Variants in PRR5 observed in about 807,000 individuals in gnomAD.
PRR5 encodes proline rich 5.
In PRR5, 25 loss-of-function variants were observed where a neutral mutation model predicts 30.6. The observed-to-expected ratio is 0.82, with a 90% CI of 0.60 to 1.14. The LOEUF is 1.14. PRR5 is among the 50% of genes most tolerant of loss of function. The probability of loss-of-function intolerance (pLI) is 0.00; values close to 1 mark genes in which losing one functional copy is unlikely to be tolerated. For synonymous variants in PRR5, 286 were observed against 247.1 expected, an observed-to-expected ratio of 1.16 and a Z score of -1.48; for missense variants, 600 against 547.1, an observed-to-expected ratio of 1.10 and a Z score of -0.96.
At chr22:44,688,587 A>G (rs988027238) in intron 1 of PRR5, among the ~76,000 whole-genome samples, 2 of 152,206 alleles carry the variant, frequency 1.3e-5, no homozygotes, top group Non-Finnish European at 2.9e-5. Context: ...GCCAGGCTAG[A>G]GGGCTTGATC....
chr22:44,712,746 T>C (rs1928451715), intron 1 of PRR5, among the ~76,000 whole-genome samples: 2 of 152,224 alleles, frequency 1.3e-5, no homozygotes, highest in South Asian at 4.1e-4. Context: ...AGGTGAGAAG[T>C]GTGGTGCTGG....
At position 44,720,084 on chromosome 22, in the gene PRR5, G is replaced by T. The variant is rs149884405; in HGVS notation, c.216-5160G>T. 3.4e-3 allele frequency among the ~76,000 whole-genome samples: 518 copies of T among 152,250 alleles called. 3 individuals are homozygous for T. The highest frequency in any genetic ancestry group is 6.3e-3 in the Non-Finnish European group (430 of 68,006). Reference sequence around the variant, plus strand: ...CCACACCCCCTCTTCTCCCTCCCTGGCATGGTGTCCTCTATTCCTAGCATG... The same window carrying T: ...CCACACCCCCTCTTCTCCCTCCCTGTCATGGTGTCCTCTATTCCTAGCATG... On this transcript the variant is annotated intron_variant, in intron 2 of 7. Coordinates refer to ENST00000336985, the MANE Select transcript of PRR5 (RefSeq NM_181333.4).
At chr22:44,719,743 T>A (rs1275305522) in intron 2 of PRR5, among the ~76,000 whole-genome samples, 1 of 152,198 alleles carries the variant, frequency 6.6e-6, no homozygotes. Context: ...CAGGAGTTCA[T>A]GGACAGGAGC....
At chr22:44,680,002 G>C (rs1924129135) in intron 1 of PRR5, 5 of 923,960 alleles carry the variant, frequency 5.4e-6, no homozygotes, top group Non-Finnish European at 6.6e-6. Flanking sequence ...CACGGGGAAT[G>C]AGGGCTGGAC....
chr22:44,697,534 A>AG (rs1491518764), upstream of PRR5, among the ~76,000 whole-genome samples: 1 of 152,206 alleles, frequency 6.6e-6, no homozygotes, highest in African/African-American at 2.4e-5. Context: ...GCTGCTCCTC[A>AG]GGGGGCAGAA....
chr22:44,728,464 C>T (rs930609439), intron 4 of PRR5, among the ~76,000 whole-genome samples: 4 of 152,212 alleles, frequency 2.6e-5, no homozygotes. Context: ...GACACAGACA[C>T]GGACCCGAGG....
chr22:44,725,368 C>G lies in PRR5; in HGVS notation c.264+76C>G, dbSNP rs1011653629. 2.5e-6 allele frequency: 4 copies of G among 1,591,252 alleles called. No individual in the cohort carries two copies. The African/African-American group carries it at 5.4e-5, about 21-fold the overall frequency. ...GAAAGCACAGGGGCTCACCTGCCCCCGGGGGTGTGGAGCGCCGGCTCCCCC... is the reference window on the plus strand; with the variant it reads ...GAAAGCACAGGGGCTCACCTGCCCCGGGGGGTGTGGAGCGCCGGCTCCCCC... On this transcript the variant is annotated intron_variant, in intron 3 of 7. Transcript: ENST00000336985.
At chr22:44,734,745 G>A (rs1922879721) in intron 6 of PRR5, 2 of 511,352 alleles carry the variant, frequency 3.9e-6, no homozygotes, top group Non-Finnish European at 7.0e-6. Flanking sequence ...GGGGTGGAAG[G>A]TGCAGAACAC....
At chr22:44,699,765 T>C (rs1276427500), upstream of PRR5, among the ~76,000 whole-genome samples, 1 of 152,126 alleles carries the variant, frequency 6.6e-6, no homozygotes, top group Non-Finnish European at 1.5e-5. Context: ...AACTAACTTC[T>C]CTGAAAGACG....
intron 3 of PRR5, 42 bp from the exon 4 acceptor site, chr22:44,726,535 C>A: frequency 6.2e-7 from 1 of 1,613,480 alleles, no homozygotes; most frequent in South Asian, 1.1e-5. Context: ...CACCCCCGGG[C>A]ATCCACAAGG....
intron 1 of PRR5, among the ~76,000 whole-genome samples, chr22:44,684,529 A>G (rs1275761525): frequency 1.3e-5 from 2 of 152,232 alleles, no homozygotes; most frequent in African/African-American, 4.8e-5. Context: ...CCTGGGCAAC[A>G]GAGCGAGACT....
chr22:44,676,851 C>T (rs1049004912), upstream of PRR5: 1 of 152,276 alleles, frequency 6.6e-6, no homozygotes, highest in African/African-American at 2.4e-5. Flanking sequence ...AGGCGCCTTC[C>T]TGGGGACTGC....
At chr22:44,731,869 C>T (rs1922042819) in intron 5 of PRR5, 48 bp downstream of exon 5, 2 of 1,575,572 alleles carry the variant, frequency 1.3e-6, no homozygotes, top group Non-Finnish European at 1.7e-6. Context: ...CCTGCTGTGC[C>T]CACCCTGGCC....
At chr22:44,717,576 C>T (rs1049898537) in intron 2 of PRR5, among the ~76,000 whole-genome samples, 2 of 152,158 alleles carry the variant, frequency 1.3e-5, no homozygotes, top group Non-Finnish European at 2.9e-5. Flanking sequence ...TGACCACAGA[C>T]AGCTTTCTGT....
intron 2 of PRR5, among the ~76,000 whole-genome samples, chr22:44,718,192 CTTTTTT>C (rs34868054): frequency 1.1e-5 from 1 of 94,576 alleles, no homozygotes; most frequent in Admixed American, 1.5e-4. Flanking sequence ...TTTCATCTCT[CTTTTTT>C]TTTTTTTTTT....
chr22:44,671,669 AT>A (rs1923434504), intron 1 of PRR5, among the ~76,000 whole-genome samples: 2 of 152,238 alleles, frequency 1.3e-5, no homozygotes, highest in Non-Finnish European at 2.9e-5. Flanking sequence ...CAGTTCTCTC[AT>A]TGCAAGGTGC....
intron 4 of PRR5, 115 bp from the exon 5 acceptor site, chr22:44,731,615 C>G (rs1921977514): frequency 2.0e-6 from 2 of 1,020,188 alleles, no homozygotes; most frequent in Non-Finnish European, 3.0e-6. Context: ...CAGGTGCTGC[C>G]AGGGGCCTGA....
chr22:44,734,079 C>T (rs1297160868), intron 6 of PRR5: 1 of 152,254 alleles, frequency 6.6e-6, no homozygotes, highest in African/African-American at 2.4e-5. Context: ...TGAGACCATC[C>T]TGGCCAACAT....
chr22:44,729,571 G>T, intron 4 of PRR5: 2 of 985,362 alleles, frequency 2.0e-6, no homozygotes, highest in Non-Finnish European at 2.4e-6. Context: ...CGTGTATCAC[G>T]CCCCTTTCAT....
Sources: gnomAD v4.1 joint callset for allele counts (sites outside exome capture counted in the v4.1 genomes callset) on GRCh38, gnomAD v4.1.1 for gene constraint, MANE v1.5 for transcripts, NCBI Gene and HGNC (gene_info 2026-07-23, HGNC 2026-07-21) for gene names.